The following STPG4 variants were observed in gnomAD, a reference collection of about 807,000 sequenced individuals.
The protein encoded by STPG4 is sperm-tail PG-rich repeat containing 4, also known as protein STPG4.
A neutral mutation model predicts 31.5 loss-of-function variants in STPG4; 41 were observed. The observed-to-expected ratio is 1.30, with a 90% confidence interval of 1.01 to 1.69. The LOEUF (loss-of-function observed/expected upper bound fraction) is 1.69, where lower values mean the gene tolerates loss of function less well. Among genes scored for constraint, STPG4 ranks in the 40% most tolerant of loss-of-function variants. STPG4 has a pLI of 0.00. For synonymous variants in STPG4, 141 were observed against 103.0 expected, an observed-to-expected ratio of 1.37 and a Z score of -2.24; for missense variants, 375 against 293.4, an observed-to-expected ratio of 1.28 and a Z score of -2.03.
intron 3 of STPG4, among the ~76,000 whole-genome samples, chr2:47,134,703 G>C (rs550200291): frequency 1.3e-3 from 191 of 152,288 alleles, no homozygotes; most frequent in African/African-American, 4.3e-3. Flanking sequence ...AAGCTTTCAA[G>C]TCCTGTGGGT....
chr2:47,133,005 A>G (rs1009578154), intron 3 of STPG4, among the ~76,000 whole-genome samples: 1 of 152,168 alleles, frequency 6.6e-6, no homozygotes, highest in African/African-American at 2.4e-5. Context: ...TTTGCTACTT[A>G]ACGTAATTGA....
At position 47,151,316 on chromosome 2, in the gene STPG4, G is replaced by C. The variant is rs760413857; in HGVS notation, c.341C>G (p.Thr114Ser). ...CCGTGGTTTGTCTTTGAATGAGTAA[G>C]TAGCCACTTGCTTCTTTAACAGGTC... ...FLDLLKKQVA[T>S]YSFKDKPRPS... Residue 114 changes from threonine (T) to serine (S), a missense_variant, in exon 3 of 7, where the codon ACT (threonine) becomes AGT (serine). Thr to Ser is a moderately conservative substitution (Grantham distance 58). Coordinates refer to ENST00000445927, the MANE Select transcript of STPG4 (RefSeq NM_001163561.2). The C allele has an allele frequency of 6.2e-7, 1 of 1,614,214 alleles. No individual in the cohort carries two copies. The highest frequency in any genetic ancestry group is 1.1e-5 in the South Asian group (1 of 91,084).
rs1012155272 is a variant in STPG4, at chr2:47,150,066, C to T, written c.399+1192G>A. Among the ~76,000 whole-genome samples, 7 of 152,336 alleles carry T rather than the reference C, an allele frequency of 4.6e-5. No homozygotes were observed. The South Asian group carries it at 1.5e-3, about 32-fold the overall frequency. ...TGTGCCTTTGGACAAGTTATTTAGT[C>T]TCTACTCACCTTAGTTTTCTTGCAT... On this transcript the variant is annotated intron_variant, in intron 3 of 6. Coordinates refer to ENST00000445927, the MANE Select transcript of STPG4 (RefSeq NM_001163561.2).
At chr2:47,096,021 A>T (rs1040991567) in intron 5 of STPG4, among the ~76,000 whole-genome samples, 49 of 152,194 alleles carry the variant, frequency 3.2e-4, no homozygotes, top group African/African-American at 1.2e-3. Flanking sequence ...CAAAAGCCCT[A>T]AACTGCCGAC....
At chr2:47,088,925 C>T (rs1177948712) in intron 6 of STPG4, among the ~76,000 whole-genome samples, 3 of 152,178 alleles carry the variant, frequency 2.0e-5, no homozygotes, top group African/African-American at 7.2e-5. Context: ...TTCAGGGGGC[C>T]TGCATCTCAC....
chr2:47,094,342 A>G (rs1203322805), intron 5 of STPG4, among the ~76,000 whole-genome samples: 2 of 152,176 alleles, frequency 1.3e-5, no homozygotes, highest in African/African-American at 4.8e-5. Context: ...GAGTCCTAGA[A>G]CTTGATGTCA....
intron 5 of STPG4, among the ~76,000 whole-genome samples, chr2:47,128,337 G>A (rs1436812983): frequency 2.0e-5 from 3 of 152,126 alleles, no homozygotes; most frequent in African/African-American, 4.8e-5. Flanking sequence ...AGTAACTACC[G>A]CCTAGCTACT....
At chr2:47,109,556 GAAA>G (rs533888510) in intron 5 of STPG4, among the ~76,000 whole-genome samples, 4 of 88,808 alleles carry the variant, frequency 4.5e-5, no homozygotes, top group Admixed American at 1.1e-4. Context: ...CTATGTATCA[GAAA>G]AAAAAAAAAA....
chr2:47,155,075 C>G (rs815806), intron 1 of STPG4, 96 bp downstream of exon 1: 1,125,802 of 1,148,732 alleles, frequency 0.98, 551,757 homozygotes, highest in East Asian at 1. Flanking sequence ...GGAACGAGAG[C>G]GGCACGAAGG....
intron 3 of STPG4, among the ~76,000 whole-genome samples, chr2:47,134,585 GTTTA>G (rs1406016031): frequency 6.6e-6 from 1 of 152,180 alleles, no homozygotes; most frequent in Non-Finnish European, 1.5e-5. Flanking sequence ...ATGTACCACA[GTTTA>G]TTTATCCATT....
chr2:47,150,459 G>A (rs1197774587), intron 3 of STPG4, among the ~76,000 whole-genome samples: 2 of 151,962 alleles, frequency 1.3e-5, no homozygotes, highest in Non-Finnish European at 2.9e-5. Context: ...GTGGAGCTGA[G>A]AGTAGAAGCT....
At chr2:47,137,774 A>T (rs1289778637) in intron 3 of STPG4, among the ~76,000 whole-genome samples, 1 of 152,124 alleles carries the variant, frequency 6.6e-6, no homozygotes, top group African/African-American at 2.4e-5. Context: ...GTTATTCAGA[A>T]TATTCCTTTA....
At chr2:47,108,936 G>A (rs1005801469) in intron 5 of STPG4, 1 of 152,266 alleles carries the variant, frequency 6.6e-6, no homozygotes, top group Non-Finnish European at 1.5e-5. Context: ...CCAAGGGATA[G>A]CACGTGCAAA....
intron 5 of STPG4, among the ~76,000 whole-genome samples, chr2:47,097,606 G>A (rs1451191493): frequency 6.6e-6 from 1 of 152,174 alleles, no homozygotes; most frequent in African/African-American, 2.4e-5. Flanking sequence ...TTCGCCACGT[G>A]CAGATACAGC....
At chr2:47,105,083 A>C (rs1685883398) in intron 5 of STPG4, among the ~76,000 whole-genome samples, 1 of 151,950 alleles carries the variant, frequency 6.6e-6, no homozygotes, top group Non-Finnish European at 1.5e-5. Flanking sequence ...CCAGAGGCAG[A>C]AACAGCCTTC....
chr2:47,129,655 G>A, intron 5 of STPG4: 1 of 303,902 alleles, frequency 3.3e-6, no homozygotes, highest in Non-Finnish European at 6.0e-6. Flanking sequence ...GCTGCCAGGG[G>A]ATGGGGGAGG....
intron 5 of STPG4, among the ~76,000 whole-genome samples, chr2:47,118,740 AAATT>A (rs1255582029): frequency 1.3e-5 from 2 of 152,220 alleles, no homozygotes; most frequent in Non-Finnish European, 2.9e-5. Context: ...TAGAGATGAT[AAATT>A]AATACTATCT....
At position 47,152,955 on chromosome 2, in the gene STPG4, A is replaced by G. The variant is rs774117936; in HGVS notation, c.141+2T>C. ...ATAGGAAAGACTGAACAATGTACAT[A>G]CTGTTAATGCTATTCTCCACCATCC... On this transcript the variant is annotated splice_donor_variant, in intron 2 of 6. Transcript: ENST00000445927. LOFTEE classifies it high-confidence loss of function. The G allele has an allele frequency of 6.2e-7, 1 of 1,602,144 alleles. No homozygotes were observed. The highest frequency in any genetic ancestry group is 1.7e-5 in the Admixed American group (1 of 59,296).
intron 3 of STPG4, among the ~76,000 whole-genome samples, chr2:47,133,651 CA>C (rs1430022046): frequency 2.2e-5 from 3 of 136,880 alleles, no homozygotes; most frequent in African/African-American, 8.1e-5. Flanking sequence ...AATCTCGGCT[CA>C]CCACAACCTC....
Sources: allele counts gnomAD v4.1 joint callset (sites outside exome capture counted in the v4.1 genomes callset), GRCh38; gene constraint gnomAD v4.1.1; transcripts MANE v1.5; gene names NCBI Gene and HGNC (gene_info 2026-07-23, HGNC 2026-07-21).